Variants in HPSE2 observed in about 807,000 individuals in gnomAD.
The protein encoded by HPSE2 is inactive heparanase-2.
A neutral mutation model predicts 60.5 loss-of-function variants in HPSE2; 38 were observed. The ratio of observed to expected loss-of-function variants is 0.63; its 90% CI spans 0.48 to 0.82. HPSE2 has a LOEUF of 0.82. HPSE2 is among the 40% of genes least tolerant of loss of function. The probability of loss-of-function intolerance (pLI) is 0.00; values close to 1 mark genes in which losing one functional copy is unlikely to be tolerated. For synonymous variants in HPSE2, 295 were observed against 293.2 expected, an observed-to-expected ratio of 1.01 and a Z score of -0.06; for missense variants, 713 against 740.4, an observed-to-expected ratio of 0.96 and a Z score of 0.43.
At chr10:98,766,251 T>G (rs1471055273) in intron 3 of HPSE2, among the ~76,000 whole-genome samples, 1 of 152,078 alleles carries the variant, frequency 6.6e-6, no homozygotes, top group Non-Finnish European at 1.5e-5. Context: ...ATAGGAATAA[T>G]CATATATCTA....
intron 9 of HPSE2, among the ~76,000 whole-genome samples, chr10:98,513,133 T>C (rs1247512751): frequency 6.6e-6 from 1 of 152,192 alleles, no homozygotes; most frequent in Non-Finnish European, 1.5e-5. Context: ...ACTTAGAACA[T>C]AAGGGTTTTC....
At chr10:98,611,099 G>T (rs1292182149) in intron 9 of HPSE2, among the ~76,000 whole-genome samples, 5 of 152,042 alleles carry the variant, frequency 3.3e-5, no homozygotes, top group Admixed American at 2.0e-4. Flanking sequence ...GTTGGGGGGG[G>T]CCAGGGGAAG....
chr10:99,152,866 G>A (rs927736800), intron 2 of HPSE2, among the ~76,000 whole-genome samples: 7 of 152,360 alleles, frequency 4.6e-5, no homozygotes, highest in African/African-American at 1.7e-4. Flanking sequence ...GGGAGTGCCA[G>A]ACAGTGGGCG....
chr10:98,987,685 G>C (rs1314335938), intron 3 of HPSE2, among the ~76,000 whole-genome samples: 2 of 152,142 alleles, frequency 1.3e-5, no homozygotes, highest in Non-Finnish European at 2.9e-5. Context: ...ATTCAATTAG[G>C]AAAAGAGGAA....
At chr10:99,267,092 T>C in the HPSE2 span, among the ~76,000 whole-genome samples, 1 of 151,904 alleles carries the variant, frequency 6.6e-6, no homozygotes, top group African/African-American at 2.4e-5. Context: ...AAAACAAGGT[T>C]CTTTAACACC....
chr10:98,937,650 T>TG lies in HPSE2; in HGVS notation c.611-193595dup, dbSNP rs536330336. Among the ~76,000 whole-genome samples, 768 of 143,206 alleles carry TG rather than the reference T, an allele frequency of 5.4e-3. 148 individuals are homozygous for TG. The highest frequency in any genetic ancestry group is 0.02 in the African/African-American group (710 of 35,128). 93.9% of individuals were successfully genotyped at this position (143,206 alleles called of 152,430 possible). On this transcript the variant is annotated intron_variant, in intron 3 of 11. Transcript: ENST00000370552. ...TGCCTGCCTCTGTAGGCTCCACCTC[T>TG]GGGGGCAGGGCACAGACAAACAAAA...
At chr10:99,127,980 C>T (rs1408160098) in intron 3 of HPSE2, among the ~76,000 whole-genome samples, 2 of 152,172 alleles carry the variant, frequency 1.3e-5, no homozygotes, top group South Asian at 2.1e-4. Flanking sequence ...ACAAGAAATG[C>T]GAAAAGGAGT....
At chr10:99,255,710 T>C in the HPSE2 span, among the ~76,000 whole-genome samples, 97 of 152,274 alleles carry the variant, frequency 6.4e-4, no homozygotes, top group Admixed American at 2.7e-3. Flanking sequence ...AGAGCAACTA[T>C]GAAAAATATA....
the HPSE2 span, among the ~76,000 whole-genome samples, chr10:99,266,610 C>T: frequency 2.0e-5 from 3 of 152,116 alleles, no homozygotes; most frequent in Admixed American, 6.5e-5. Flanking sequence ...GCTCTAGGGA[C>T]CCACCCACTG....
At chr10:99,171,288 C>A (rs1476541320) in intron 2 of HPSE2, among the ~76,000 whole-genome samples, 1 of 152,204 alleles carries the variant, frequency 6.6e-6, no homozygotes, top group East Asian at 1.9e-4. Context: ...GGAATTCACA[C>A]ATTGGGTAGA....
chr10:98,842,049 G>A (rs963257633), intron 3 of HPSE2, among the ~76,000 whole-genome samples: 4 of 151,944 alleles, frequency 2.6e-5, no homozygotes, highest in East Asian at 3.9e-4. Context: ...CTCGTGATCC[G>A]CCTGCCTCAG....
intron 3 of HPSE2, among the ~76,000 whole-genome samples, chr10:98,853,239 G>T (rs1293729106): frequency 1.3e-5 from 2 of 152,142 alleles, no homozygotes; most frequent in East Asian, 3.9e-4. Context: ...TCCAGCATTT[G>T]TGAGGGGCTT....
intron 3 of HPSE2, among the ~76,000 whole-genome samples, chr10:99,074,917 TTTTA>T (rs1263769750): frequency 1.3e-5 from 2 of 152,146 alleles, no homozygotes; most frequent in African/African-American, 4.8e-5. Context: ...TCATTTATAA[TTTTA>T]TTTATTTGAA....
intron 9 of HPSE2, among the ~76,000 whole-genome samples, chr10:98,579,311 GA>G (rs1944727339): frequency 6.6e-6 from 1 of 152,168 alleles, no homozygotes; most frequent in South Asian, 2.1e-4. Flanking sequence ...GAATAGCCTA[GA>G]AATAGAGGAT....
intron 3 of HPSE2, among the ~76,000 whole-genome samples, chr10:98,852,070 T>G (rs1263947645): frequency 6.6e-6 from 1 of 151,426 alleles, no homozygotes; most frequent in South Asian, 2.1e-4. Context: ...TTTAAAAAAC[T>G]AATCCTCTTT....
At chr10:99,298,573 C>A in the HPSE2 span, among the ~76,000 whole-genome samples, 1 of 152,172 alleles carries the variant, frequency 6.6e-6, no homozygotes, top group Non-Finnish European at 1.5e-5. Flanking sequence ...ATCAACAAAT[C>A]TGGCCTAGAT....
At chr10:98,488,103 C>T (rs1244612884) in intron 10 of HPSE2, among the ~76,000 whole-genome samples, 1 of 152,130 alleles carries the variant, frequency 6.6e-6, no homozygotes, top group Non-Finnish European at 1.5e-5. Flanking sequence ...CCAGTGACAC[C>T]GTTTCTCTAG....
chr10:98,533,993 T>C (rs1943206493), intron 9 of HPSE2, among the ~76,000 whole-genome samples: 1 of 152,184 alleles, frequency 6.6e-6, no homozygotes, highest in Admixed American at 6.5e-5. Flanking sequence ...TGTTTTGTCT[T>C]AAGAAAAGGA....
chr10:98,900,596 C>A (rs1163112576), intron 3 of HPSE2, among the ~76,000 whole-genome samples: 3 of 152,102 alleles, frequency 2.0e-5, no homozygotes, highest in Non-Finnish European at 4.4e-5. Context: ...CTTTTAAGTG[C>A]AGCTTATTGT....
Sources: gnomAD v4.1 joint callset for allele counts (sites outside exome capture counted in the v4.1 genomes callset) on GRCh38, gnomAD v4.1.1 for gene constraint, MANE v1.5 for transcripts, NCBI Gene and HGNC (gene_info 2026-07-23, HGNC 2026-07-21) for gene names.